KCNAB1: variants seen among roughly 807,000 people sequenced by gnomAD.
KCNAB1 encodes voltage-gated potassium channel subunit beta-1.
In KCNAB1, 35 loss-of-function variants were observed where a neutral mutation model predicts 64.6. The observed-to-expected ratio is 0.54, with a 90% CI of 0.41 to 0.72. The LOEUF (loss-of-function observed/expected upper bound fraction) is 0.72. Among genes scored for constraint, KCNAB1 ranks in the 30% least tolerant of loss-of-function variants. The pLI, the probability that KCNAB1 is intolerant of heterozygous loss-of-function variation, is 0.00. For synonymous variants in KCNAB1, 177 were observed against 183.8 expected (o/e 0.96, Z 0.30); for missense variants, 401 against 512.9 (o/e 0.78, Z 2.11).
chr3:156,158,663 G>A (rs979769815), intron 1 of KCNAB1, among the ~76,000 whole-genome samples: 1 of 152,150 alleles, frequency 6.6e-6, no homozygotes, highest in African/African-American at 2.4e-5. Context: ...AATGTGTACA[G>A]GACTCTGTTT....
chr3:156,223,733 G>A (rs1473968620), intron 1 of KCNAB1, among the ~76,000 whole-genome samples: 1 of 152,194 alleles, frequency 6.6e-6, no homozygotes, highest in Non-Finnish European at 1.5e-5. Flanking sequence ...GTGCTGATTG[G>A]TGTGTTTACA....
intron 1 of KCNAB1, among the ~76,000 whole-genome samples, chr3:156,228,996 A>G (rs1716355131): frequency 6.6e-6 from 1 of 152,142 alleles, no homozygotes; most frequent in South Asian, 2.1e-4. Context: ...AGGGCACTAG[A>G]CATACCCCAG....
At chr3:156,418,288 T>G (rs1339712198) in intron 1 of KCNAB1, among the ~76,000 whole-genome samples, 2 of 152,256 alleles carry the variant, frequency 1.3e-5, no homozygotes, top group Non-Finnish European at 2.9e-5. Flanking sequence ...CTGCACAATG[T>G]CACATAAGAT....
intron 1 of KCNAB1, among the ~76,000 whole-genome samples, chr3:156,244,048 C>T (rs1325024055): frequency 6.6e-6 from 1 of 152,262 alleles, no homozygotes; most frequent in Non-Finnish European, 1.5e-5. Flanking sequence ...CATACTCCAT[C>T]CACACCCATG....
At chr3:156,244,240 C>T (rs555762541) in intron 1 of KCNAB1, among the ~76,000 whole-genome samples, 4 of 152,284 alleles carry the variant, frequency 2.6e-5, no homozygotes, top group Non-Finnish European at 5.9e-5. Flanking sequence ...TCTAAGGTCA[C>T]GTCCATTTCT....
At chr3:156,428,909 CA>C (rs112211560) in intron 2 of KCNAB1, among the ~76,000 whole-genome samples, 4,026 of 152,282 alleles carry the variant, frequency 0.026, 169 homozygotes, top group African/African-American at 0.093. Flanking sequence ...CTAGGGAATG[CA>C]AACTGATTCC....
intron 1 of KCNAB1, among the ~76,000 whole-genome samples, chr3:156,273,113 C>G (rs1271453682): frequency 2.7e-5 from 4 of 147,486 alleles, no homozygotes; most frequent in African/African-American, 5.2e-5. Context: ...ACTCTTCCCT[C>G]TCCTCTCCTC....
intron 7 of KCNAB1, among the ~76,000 whole-genome samples, chr3:156,470,880 G>A (rs567325386): frequency 6.6e-6 from 1 of 152,250 alleles, no homozygotes; most frequent in African/African-American, 2.4e-5. Context: ...CTACGTTCAT[G>A]TAAACATACA....
At chr3:156,459,571 G>A (rs939004820) in intron 4 of KCNAB1, among the ~76,000 whole-genome samples, 5 of 152,064 alleles carry the variant, frequency 3.3e-5, no homozygotes, top group African/African-American at 7.2e-5. Context: ...AATGACTGCT[G>A]CTGCTTAGTA....
intron 1 of KCNAB1, among the ~76,000 whole-genome samples, chr3:156,295,733 A>G (rs1304820281): frequency 6.6e-6 from 1 of 152,118 alleles, no homozygotes; most frequent in East Asian, 1.9e-4. Context: ...TTTCCAATAC[A>G]GATTATTTGT....
intron 1 of KCNAB1, among the ~76,000 whole-genome samples, chr3:156,147,610 A>T (rs973171964): frequency 1.3e-5 from 2 of 152,178 alleles, no homozygotes; most frequent in Non-Finnish European, 2.9e-5. Flanking sequence ...TTCTAGAAAA[A>T]TAAGTGTTAT....
chr3:156,378,640 T>C (rs1711900908), intron 1 of KCNAB1, among the ~76,000 whole-genome samples: 1 of 152,310 alleles, frequency 6.6e-6, no homozygotes, highest in African/African-American at 2.4e-5. Context: ...CCTGTTTTCC[T>C]TTCTATGTGC....
At chr3:156,141,295 G>A (rs1442850821) in intron 1 of KCNAB1, among the ~76,000 whole-genome samples, 2 of 152,056 alleles carry the variant, frequency 1.3e-5, no homozygotes, top group East Asian at 3.9e-4. Context: ...TTAGTTCCAT[G>A]CAGTTTGGTT....
intron 1 of KCNAB1, among the ~76,000 whole-genome samples, chr3:156,196,575 T>A (rs1229601122): frequency 6.6e-6 from 1 of 152,158 alleles, no homozygotes; most frequent in Non-Finnish European, 1.5e-5. Flanking sequence ...GTAGCAACTG[T>A]GAATGGGAGT....
rs16826198 is a variant in KCNAB1 at position 156,452,603 on chromosome 3, A to T, written c.320-296A>T. Among the ~76,000 whole-genome samples, 22,604 of 152,180 alleles carry T rather than the reference A, an allele frequency of 0.15. 2,821 individuals are homozygous for T. The highest frequency in any genetic ancestry group is 0.34 in the African/African-American group (14,242 of 41,474). Reference sequence around the variant, plus strand: ...TCTTGTACACTAGCATCCATGGTCCAATAGCAGAAGGGAAAGCATCTTCTA... The same window carrying T: ...TCTTGTACACTAGCATCCATGGTCCTATAGCAGAAGGGAAAGCATCTTCTA... On this transcript the variant is annotated intron_variant, in intron 2 of 13. Coordinates refer to ENST00000490337, the MANE Select transcript of KCNAB1 (RefSeq NM_172160.3). This position sits in a 1 kb window ranked among gnomAD's most constrained non-coding sequence, Gnocchi z 4.6.
rs1713790601 is a variant in KCNAB1, at chr3:156,470,339, T to A, written c.572-4395T>A. Among the ~76,000 whole-genome samples the A allele has an allele frequency of 2.0e-5, 3 of 152,152 alleles. No individual in the cohort carries two copies. The South Asian group carries it at 6.2e-4, about 32-fold the overall frequency. Reference sequence around the variant, plus strand: ...TTTTTTAAACCCCAATTTGAGCCAATCTTAGAATTTAGCAGAACAGATTCC... The same window carrying A: ...TTTTTTAAACCCCAATTTGAGCCAAACTTAGAATTTAGCAGAACAGATTCC... On this transcript the variant is annotated intron_variant, in intron 7 of 13. Coordinates refer to ENST00000490337, the MANE Select transcript of KCNAB1 (RefSeq NM_172160.3).
chr3:156,488,993 T>C (rs1715428287), intron 8 of KCNAB1, among the ~76,000 whole-genome samples: 1 of 152,110 alleles, frequency 6.6e-6, no homozygotes, highest in South Asian at 2.1e-4. Flanking sequence ...TCAGTTGATA[T>C]GGGATTCATA....
intron 8 of KCNAB1, among the ~76,000 whole-genome samples, chr3:156,482,162 G>T (rs1247303148): frequency 2.6e-5 from 4 of 151,656 alleles, no homozygotes; most frequent in Middle Eastern, 3.4e-3. Flanking sequence ...AACTCTTTAT[G>T]CCCTTTAAGC....
At chr3:156,402,241 G>A (rs1035953249) in intron 1 of KCNAB1, among the ~76,000 whole-genome samples, 17 of 151,876 alleles carry the variant, frequency 1.1e-4, no homozygotes, top group Admixed American at 9.8e-4. Flanking sequence ...ATAATCCTTC[G>A]AGACCTTAAA....
Sources: allele counts gnomAD v4.1 joint callset (sites outside exome capture counted in the v4.1 genomes callset), GRCh38; gene constraint gnomAD v4.1.1; non-coding constraint Gnocchi (gnomAD v3.1); transcripts MANE v1.5; gene names NCBI Gene and HGNC (gene_info 2026-07-23, HGNC 2026-07-21).